The following NCOR1 variants were observed in gnomAD, a reference collection of about 807,000 sequenced individuals.
NCOR1 encodes nuclear receptor corepressor 1, also known as protein phosphatase 1, regulatory subunit 109.
In NCOR1, 63 loss-of-function variants were observed where a neutral mutation model predicts 288.1. That is an observed-to-expected ratio of 0.22 (90% CI 0.18 to 0.27). The LOEUF (loss-of-function observed/expected upper bound fraction) is 0.27. Among genes scored for constraint, NCOR1 ranks in the 10% least tolerant of loss-of-function variants. NCOR1 has a pLI of 1.00. For missense variants in NCOR1, 2,397 were observed against 3,019.2 expected, an observed-to-expected ratio of 0.79 and a Z score of 4.83; for synonymous variants, 1,007 against 1,065.9, an observed-to-expected ratio of 0.94 and a Z score of 1.08.
intron 14 of NCOR1, among the ~76,000 whole-genome samples, chr17:16,130,714 T>TA (rs754676082): frequency 1.8e-4 from 27 of 152,280 alleles, no homozygotes; most frequent in Admixed American, 3.3e-4. Flanking sequence ...GACAGGGTCT[T>TA]ACTATGTCAC....
Position 16,070,434 on chromosome 17 carries a change from C to G in NCOR1, c.4244G>C (p.Arg1415Pro), listed in dbSNP as rs368184186. The change falls in exon 31 of 46, where the codon CGT (arginine) becomes CCT (proline). Residue 1415 changes from arginine to proline, a missense_variant. Physicochemically the swap from Arg to Pro is moderately radical, Grantham distance 103 (BLOSUM62 -2). This residue lies in a region of NCOR1 where 1,872 missense variants were observed against 2,187.8 expected (regional missense o/e 0.86). Transcript: ENST00000268712. ...CACAATTTCCAGCGGAGGCATTCCA[C>G]GGGATAGTTTGCTAGGCCCCGTGAT... is the stretch of plus-strand genomic sequence containing the variant. The part of the protein sequence containing the change: ...SLITGPSKLS[R>P]GMPPLEIVPE... 6.8e-6 allele frequency: 11 copies of G among 1,614,190 alleles called. No homozygotes were observed. Among genetic ancestry groups the G allele is most frequent in the Non-Finnish European group, 8.5e-6 (10 of 1,180,032 alleles).
rs1971815174 is a variant in NCOR1 at position 16,030,384 on chromosome 17, T to G, written c.*1912A>C. The G allele has an allele frequency of 4.7e-6, 1 of 214,954 alleles. No individual in the cohort carries two copies. Among genetic ancestry groups the G allele is most frequent in the Non-Finnish European group, 9.4e-6 (1 of 106,550 alleles). The allele number at this position is 214,954 out of a possible 1,614,324, so 13.3% of individuals were successfully genotyped here. A position where few individuals can be genotyped will look rare whatever the true frequency, so the allele number is the denominator to read the frequency against. ...GTTCAAGGGTCAACTGTATTCTGAC[T>G]CAGAATAGCTTAAGACCCTCAGGGT... On this transcript the variant is annotated 3_prime_UTR_variant, in exon 46 of 46. Transcript: ENST00000268712.
At chr17:16,077,214 T>A (rs943119429) in intron 26 of NCOR1, among the ~76,000 whole-genome samples, 5 of 151,682 alleles carry the variant, frequency 3.3e-5, no homozygotes, top group African/African-American at 1.2e-4. Context: ...CTGGCCAACA[T>A]GGCGAAACCC....
chr17:16,040,392 T>C, intron 43 of NCOR1, 49 bp downstream of exon 43: 1 of 1,523,524 alleles, frequency 6.6e-7, no homozygotes, highest in African/African-American at 1.4e-5. Flanking sequence ...TTGGACTGAC[T>C]ACTGCTGTGC....
At chr17:16,088,806 A>G (rs1462002063) in intron 22 of NCOR1, among the ~76,000 whole-genome samples, 1 of 152,168 alleles carries the variant, frequency 6.6e-6, no homozygotes. Context: ...TAAAAGCAGT[A>G]TAATTCCGGA....
Position 16,070,310 on chromosome 17 carries a change from G to C in NCOR1, c.4368C>G (p.Pro1456=). The C allele has an allele frequency of 6.2e-7, 1 of 1,614,100 alleles. No homozygotes were observed. Among genetic ancestry groups the C allele is most frequent in the Non-Finnish European group, 8.5e-7 (1 of 1,180,028 alleles). ...CATGCAGTGTGGACCTAAGAACGGA[G>C]GGGCCAGAGCTTACCACTGACGTGT... ...SRHTSVVSSG[P]SVLRSTLHEA... Residue 1456 remains proline (P), a synonymous_variant, in exon 31 of 46, where the codon CCC becomes CCG. Coordinates refer to ENST00000268712, the MANE Select transcript of NCOR1 (RefSeq NM_006311.4).
chr17:16,076,327 C>T (rs1825785822), intron 26 of NCOR1, among the ~76,000 whole-genome samples: 1 of 152,214 alleles, frequency 6.6e-6, no homozygotes, highest in South Asian at 2.1e-4. Flanking sequence ...TTCATAACAT[C>T]AACAACGCAT....
intron 26 of NCOR1, among the ~76,000 whole-genome samples, chr17:16,078,599 G>A (rs918303862): frequency 2.7e-5 from 4 of 150,732 alleles, no homozygotes; most frequent in South Asian, 2.1e-4. Flanking sequence ...TTTTTGAGAC[G>A]GAGTCTCACT....
chr17:16,048,804 C>T (rs761451715), intron 41 of NCOR1, 41 bp downstream of exon 41: 1 of 1,538,954 alleles, frequency 6.5e-7, no homozygotes, highest in East Asian at 2.4e-5. Flanking sequence ...GCATGAGCAC[C>T]CACGCCATGA....
At chr17:16,117,702 A>G (rs567619093) in intron 18 of NCOR1, among the ~76,000 whole-genome samples, 186 bp downstream of exon 18, 8 of 152,150 alleles carry the variant, frequency 5.3e-5, no homozygotes, top group Non-Finnish European at 8.8e-5. Context: ...GGGCGCCTGT[A>G]GTCCCAGCTA....
chr17:16,112,979 C>T (rs187503252), intron 18 of NCOR1, among the ~76,000 whole-genome samples: 65 of 152,230 alleles, frequency 4.3e-4, no homozygotes, highest in African/African-American at 1.5e-3. Context: ...GGTGCGATCT[C>T]GGCTCACTGC....
intron 9 of NCOR1, among the ~76,000 whole-genome samples, chr17:16,148,020 T>C (rs1745668698): frequency 2.0e-5 from 3 of 152,358 alleles, no homozygotes; most frequent in South Asian, 2.1e-4. Context: ...TTTCTCCATG[T>C]TGGTCAGGCG....
intron 5 of NCOR1, among the ~76,000 whole-genome samples, chr17:16,164,718 A>G (rs1205970843): frequency 4.0e-5 from 6 of 151,686 alleles, no homozygotes; most frequent in Non-Finnish European, 8.8e-5. Flanking sequence ...AAAAACCAGC[A>G]CCATTGTATG....
chr17:16,149,543 G>A (rs2078539555), intron 8 of NCOR1, 26 bp from the exon 9 acceptor site: 3 of 1,245,146 alleles, frequency 2.4e-6, no homozygotes, highest in Non-Finnish European at 3.4e-6. Context: ...ATGGTTGCAT[G>A]ACATTAAGAA....
intron 21 of NCOR1, among the ~76,000 whole-genome samples, chr17:16,095,554 C>T (rs1484366814): frequency 3.8e-5 from 5 of 132,510 alleles, no homozygotes; most frequent in Admixed American, 2.9e-4. Flanking sequence ...GTCAGCCCCC[C>T]GCCCGGCCAG....
chr17:16,176,418 G>A (rs1349947963), intron 3 of NCOR1, among the ~76,000 whole-genome samples: 6 of 151,952 alleles, frequency 3.9e-5, no homozygotes, highest in East Asian at 2.0e-4. Context: ...ATAGACGTGC[G>A]CCACCACTCC....
intron 1 of NCOR1, among the ~76,000 whole-genome samples, chr17:16,209,964 C>A (rs905068555): frequency 3.3e-5 from 5 of 151,068 alleles, no homozygotes; most frequent in Non-Finnish European, 5.9e-5. Flanking sequence ...AAAAAATGTT[C>A]ATGTTTGTGC....
chr17:16,127,619 G>GTA (rs772226410), intron 14 of NCOR1, among the ~76,000 whole-genome samples: 24 of 134,396 alleles, frequency 1.8e-4, no homozygotes, highest in African/African-American at 7.0e-4. Context: ...ATGTGTATGT[G>GTA]TATATATACA....
At chr17:16,114,995 G>A (rs1198268186) in intron 18 of NCOR1, among the ~76,000 whole-genome samples, 1 of 152,056 alleles carries the variant, frequency 6.6e-6, no homozygotes, top group African/African-American at 2.4e-5. Flanking sequence ...CCCCACCCCT[G>A]TAGCAAACTT....
Sources: allele counts gnomAD v4.1 joint callset (sites outside exome capture counted in the v4.1 genomes callset), GRCh38; gene constraint gnomAD v4.1.1; regional missense constraint gnomAD v4.1.1; transcripts MANE v1.5; gene names NCBI Gene and HGNC (gene_info 2026-07-23, HGNC 2026-07-21).